The following CDK13 variants were observed in gnomAD, a reference collection of about 807,000 sequenced individuals.
CDK13 encodes the protein cyclin-dependent kinase 13.
CDK13 carries 40 observed loss-of-function variants against 137.6 expected under a neutral mutation model. That is an observed-to-expected ratio of 0.29 (90% confidence interval 0.23 to 0.38). The LOEUF is 0.38. Among genes scored for constraint, CDK13 ranks in the 10% least tolerant of loss-of-function variants. The pLI, the probability that CDK13 is intolerant of heterozygous loss-of-function variation, is 1.00. For synonymous variants in CDK13, 869 were observed against 760.1 expected, an observed-to-expected ratio of 1.14 and a Z score of -2.36; for missense variants, 1,704 against 1,951.8, an observed-to-expected ratio of 0.87 and a Z score of 2.39.
At chr7:40,063,198 A>G (rs567818827) in intron 9 of CDK13, 98 bp downstream of exon 9, 8 of 888,366 alleles carry the variant, frequency 9.0e-6, no homozygotes, top group South Asian at 7.3e-5. Flanking sequence ...GAAGAGAACA[A>G]CATGGTTCTC....
chr7:40,025,155 T>G (rs1258262623), intron 5 of CDK13, among the ~76,000 whole-genome samples: 1 of 3,744 alleles, frequency 2.7e-4, no homozygotes, highest in Non-Finnish European at 4.5e-4. Context: ...AATCTCAGCT[T>G]AAGTATCTCT....
At chr7:40,077,570 G>A (rs774011687) in intron 9 of CDK13, among the ~76,000 whole-genome samples, 1 of 151,982 alleles carries the variant, frequency 6.6e-6, no homozygotes, top group African/African-American at 2.4e-5. Flanking sequence ...AATATTTAAC[G>A]AGGGCCGGGC....
chr7:40,023,849 C>T (rs1584002526), intron 5 of CDK13, among the ~76,000 whole-genome samples: 1 of 152,316 alleles, frequency 6.6e-6, no homozygotes, highest in East Asian at 1.9e-4. Context: ...AGGTTATTTT[C>T]TTCTCAGATT....
At chr7:40,020,910 G>A (rs1190583678) in intron 5 of CDK13, among the ~76,000 whole-genome samples, 4 of 151,874 alleles carry the variant, frequency 2.6e-5, no homozygotes, top group Non-Finnish European at 5.9e-5. Flanking sequence ...GGCCAACATG[G>A]TGAAACACCA....
chr7:39,998,303 T>C (rs1006422404), intron 3 of CDK13: 3 of 151,128 alleles, frequency 2.0e-5, no homozygotes, highest in African/African-American at 7.3e-5. Flanking sequence ...AGTGTGTGAA[T>C]TTGAGGTCAT....
chr7:39,951,156 G>C lies in CDK13; in HGVS notation c.515G>C (p.Gly172Ala), dbSNP rs2116056358. 10 of 1,242,530 alleles carry C rather than the reference G, an allele frequency of 8.0e-6. No individual in the cohort carries two copies. The highest frequency in any genetic ancestry group is 1.0e-5 in the Non-Finnish European group (10 of 994,840). The allele number at this position is 1,242,530 out of a possible 1,614,324, so 77.0% of individuals were successfully genotyped here. The change falls in exon 1 of 14, where the codon GGG (glycine) becomes GCG (alanine). Residue 172 changes from glycine (G) to alanine (A), a missense_variant. By Grantham distance (60) the Gly-to-Ala change is moderately conservative. Transcript: ENST00000181839. ...ASAATAATAA[G>A]GTGGSGGSPA... ...GCGGCAACGGCGGCGACGGCTGCCG[G>C]GGGAACGGGGGGCAGCGGCGGGAGT...
At chr7:40,013,336 T>C (rs1181889844) in intron 5 of CDK13, among the ~76,000 whole-genome samples, 2 of 152,192 alleles carry the variant, frequency 1.3e-5, no homozygotes, top group Non-Finnish European at 2.9e-5. Context: ...GTGGTAGTCA[T>C]GGTTGCACAA....
intron 7 of CDK13, 42 bp downstream of exon 7, chr7:40,047,919 AGTATT>A: frequency 7.9e-7 from 1 of 1,262,466 alleles, no homozygotes; most frequent in Admixed American, 1.7e-5. Flanking sequence ...ACTAGAGTTT[AGTATT>A]AGAAGCTATA....
chr7:39,951,738 G>T lies in CDK13; in HGVS notation c.1097G>T (p.Arg366Leu), dbSNP rs759729645. The stretch of plus-strand genomic sequence containing the variant: ...TCCCCGAGCCCCTACAGTCGCCGCC[G>T]CTCCCCCAGCTACAGCCGCCACAGC... ...PRSPSPYSRR[R>L]SPSYSRHSSY... Residue 366 changes from arginine (R) to leucine (L), a missense_variant, in exon 1 of 14, where the codon CGC becomes CTC. Physicochemically the swap from Arg to Leu is moderately radical, Grantham distance 102. Around this residue, in one of 5 missense-constraint regions of CDK13, gnomAD observed 1,051 missense variants for 931.0 expected, o/e 1.13. Transcript: ENST00000181839. 11 of 1,483,204 alleles carry T rather than the reference G, an allele frequency of 7.4e-6. No homozygotes were observed. In the South Asian group the frequency reaches 1.2e-4, roughly 16 times the overall value. 91.9% of individuals were successfully genotyped at this position (1,483,204 alleles called of 1,614,324 possible). A position where few individuals can be genotyped will look rare whatever the true frequency, so the allele number is the denominator to read the frequency against.
At chr7:39,957,084 CACT>C (rs1460521964) in intron 1 of CDK13, among the ~76,000 whole-genome samples, 2 of 146,072 alleles carry the variant, frequency 1.4e-5, no homozygotes, top group Non-Finnish European at 3.0e-5. Flanking sequence ...TCAAAAATCC[CACT>C]GTCGTGTGTG....
intron 5 of CDK13, among the ~76,000 whole-genome samples, chr7:40,021,283 G>A (rs951211940): frequency 6.6e-6 from 1 of 152,014 alleles, no homozygotes; most frequent in African/African-American, 2.4e-5. Flanking sequence ...GATCACTTGA[G>A]GTCAGGAGTT....
At chr7:39,993,806 A>C (rs577377579) in intron 2 of CDK13, among the ~76,000 whole-genome samples, 1 of 152,058 alleles carries the variant, frequency 6.6e-6, no homozygotes, top group African/African-American at 2.4e-5. Flanking sequence ...TTTTTATAGG[A>C]TAGTTACATG....
chr7:40,033,122 A>T (rs1013692480), intron 5 of CDK13, among the ~76,000 whole-genome samples: 2 of 151,936 alleles, frequency 1.3e-5, no homozygotes, highest in African/African-American at 4.8e-5. Context: ...TGTTTGGCTA[A>T]TTTCTGTATT....
At chr7:39,967,079 C>A (rs764728439) in intron 1 of CDK13, among the ~76,000 whole-genome samples, 11 of 152,064 alleles carry the variant, frequency 7.2e-5, no homozygotes, top group African/African-American at 2.7e-4. Flanking sequence ...TTGAGGAGGC[C>A]GGCTGTCTGT....
chr7:40,003,428 A>G (rs1784736098), intron 5 of CDK13, among the ~76,000 whole-genome samples: 2 of 151,834 alleles, frequency 1.3e-5, no homozygotes, highest in South Asian at 2.1e-4. Context: ...TTTATTTTTC[A>G]TTACTACTTA....
At chr7:40,026,570 TCTTTC>T (rs752134689) in intron 5 of CDK13, among the ~76,000 whole-genome samples, 48 of 152,236 alleles carry the variant, frequency 3.2e-4, no homozygotes, top group Non-Finnish European at 4.4e-4. Context: ...TTTTTCTTAC[TCTTTC>T]CTTAAATAAC....
intron 5 of CDK13, among the ~76,000 whole-genome samples, chr7:40,024,558 T>C (rs1785199642): frequency 6.6e-6 from 1 of 151,884 alleles, no homozygotes; most frequent in Non-Finnish European, 1.5e-5. Context: ...TCAGGTTGGC[T>C]TTCTCTCTCT....
In CDK13 at chr7:40,099,426, ATTTG is replaced by A. The variant is rs909352816; in HGVS notation, c.*4450_*4453del. 1.3e-4 allele frequency: 20 copies of A among 152,186 alleles called. No individual in the cohort carries two copies. Among genetic ancestry groups the A allele is most frequent in the Admixed American group, 1.1e-3 (17 of 15,278 alleles). The allele number at this position is 152,186 out of a possible 1,614,324, so 9.4% of individuals were successfully genotyped here. On this transcript the variant is annotated 3_prime_UTR_variant, in exon 14 of 14. Coordinates refer to ENST00000181839, the MANE Select transcript of CDK13 (RefSeq NM_003718.5). ...ACTCTTCTAAGTTTTTTCCCAGTTA[ATTTG>A]TTTAAAAGTGTTGTACTCTCTTGCA...
At chr7:39,995,545 C>G (rs1784542775) in intron 2 of CDK13, among the ~76,000 whole-genome samples, 1 of 152,214 alleles carries the variant, frequency 6.6e-6, no homozygotes, top group Non-Finnish European at 1.5e-5. Context: ...TACTTCCTAC[C>G]TGTCTTCCAG....
Sources: allele counts gnomAD v4.1 joint callset (sites outside exome capture counted in the v4.1 genomes callset), GRCh38; gene constraint gnomAD v4.1.1; regional missense constraint gnomAD v4.1.1; transcripts MANE v1.5; gene names NCBI Gene and HGNC (gene_info 2026-07-23, HGNC 2026-07-21).